CTU2: variants seen among roughly 807,000 people sequenced by gnomAD.
CTU2 encodes cytoplasmic tRNA 2-thiolation protein 2.
Under a neutral mutation model 64.1 loss-of-function variants are expected in CTU2, and 80 were observed. The ratio of observed to expected loss-of-function variants is 1.25; its 90% CI spans 1.04 to 1.50. CTU2 has a LOEUF of 1.50. Among genes scored for constraint, CTU2 ranks in the 40% most tolerant of loss-of-function variants. CTU2 has a pLI of 0.00. For synonymous variants in CTU2, 482 were observed against 285.3 expected (o/e 1.69, Z -6.95); for missense variants, 1,110 against 690.2 (o/e 1.61, Z -6.81).
At position 88,710,191 on chromosome 16, in the gene CTU2, C is replaced by T. The variant is rs753007504; in HGVS notation, c.223-32C>T. 5.8e-5 allele frequency: 94 copies of T among 1,612,600 alleles called. No homozygotes were observed. The South Asian group carries it at 8.2e-4, about 14-fold the overall frequency. ...GGGGTGTCTGCCTGTGTTGGAGGTGCGGTGCCCTGAGTGATGTTTTTTCTC... is the reference window on the plus strand; with the variant it reads ...GGGGTGTCTGCCTGTGTTGGAGGTGTGGTGCCCTGAGTGATGTTTTTTCTC... On this transcript the variant is annotated intron_variant, in intron 3 of 14. Transcript: ENST00000453996.
rs771320741 is a variant in CTU2 at position 88,712,246 on chromosome 16, CCTGA to C, written c.344-25_344-22del. The stretch of plus-strand genomic sequence containing the variant: ...TGCCCTGCCTGGCTCCTCTCTGAGC[CCTGA>C]CTCTTTCTGCCTGGGTTTTTCAGAG... On this transcript the variant is annotated intron_variant, in intron 5 of 14. Coordinates refer to ENST00000453996, the MANE Select transcript of CTU2 (RefSeq NM_001012759.3). 8 of 1,563,886 alleles carry C rather than the reference CCTGA, an allele frequency of 5.1e-6. No individual in the cohort carries two copies. In the African/African-American group the frequency reaches 9.5e-5, roughly 19 times the overall value.
intron 8 of CTU2, 94 bp from the exon 9 acceptor site, chr16:88,713,553 G>C: frequency 1.3e-6 from 2 of 1,558,354 alleles, no homozygotes; most frequent in Non-Finnish European, 1.7e-6. Flanking sequence ...GCCTCGGATG[G>C]TGGTGGGGTC....
rs770080195 is a variant in CTU2 at position 88,707,099 on chromosome 16, CTG to C, written c.69-33_69-32del. 4.4e-6 allele frequency: 7 copies of C among 1,601,702 alleles called. No individual in the cohort carries two copies. In the African/African-American group the frequency reaches 8.0e-5, roughly 18 times the overall value. On this transcript the variant is annotated intron_variant, in intron 1 of 14. Transcript: ENST00000453996. ...CCACTAGGCGTGGGGAAGATGTGAT[CTG>C]TGTTTCTCTCTTCTCCCCCCTCCCA...
rs1910852374 is a variant in CTU2, at chr16:88,706,595, C to T, written c.65C>T (p.Pro22Leu). The T allele has an allele frequency of 2.8e-6, 4 of 1,446,830 alleles. No homozygotes were observed. The highest frequency in any genetic ancestry group is 1.5e-5 in the African/African-American group (1 of 67,132). 89.6% of individuals were successfully genotyped at this position (1,446,830 alleles called of 1,614,324 possible). Reference sequence around the variant, plus strand: ...GAGGAGCCGCCCCCGGCGCCGCGGCCCAGGTAAGAGCTGGCGGCCGGACCC... The same window carrying T: ...GAGGAGCCGCCCCCGGCGCCGCGGCTCAGGTAAGAGCTGGCGGCCGGACCC... ...APEEPPPAPR[P>L]SREQKCVKCK... The change falls in exon 1 of 15, where the codon CCC becomes CTC. Residue 22 changes from proline to leucine, a missense_variant. Physicochemically the swap from Pro to Leu is moderately conservative, Grantham distance 98. Coordinates refer to ENST00000453996, the MANE Select transcript of CTU2 (RefSeq NM_001012759.3).
In CTU2 at chr16:88,713,414, G is replaced by T. The variant is rs373374683; in HGVS notation, c.840G>T (p.Ala280=). Residue 280 remains alanine, a synonymous_variant, in exon 8 of 15, where the codon GCG becomes GCT. Transcript: ENST00000453996. ...RLAIKLMTNL[A]LGRGAFLAWD... ...CTATCAAGCTCATGACCAACCTGGC[G>T]CTGGGTCGAGGGGCCTTCCTGGCCT... 28 of 1,599,638 alleles carry T rather than the reference G, an allele frequency of 1.8e-5. 1 individual carries two copies. In the South Asian group the frequency reaches 2.7e-4, roughly 15 times the overall value.
At position 88,713,754 on chromosome 16, in the gene CTU2, C is replaced by G. The variant is rs1911587209; in HGVS notation, c.981C>G (p.Val327=). The G allele has an allele frequency of 5.0e-6, 8 of 1,612,716 alleles. No homozygotes were observed. Among genetic ancestry groups the G allele is most frequent in the East Asian group, 4.5e-5 (2 of 44,876 alleles). Reference sequence around the variant, plus strand: ...ACCGCCTGTTCTCCGTTCCTTCTGTCTTCACACCAGCCGTCGACACCAAGG... The same window carrying G: ...ACCGCCTGTTCTCCGTTCCTTCTGTGTTCACACCAGCCGTCGACACCAAGG... ...FYNRLFSVPS[V]FTPAVDTKAP... is the part of the protein sequence containing the mutation. Residue 327 remains valine (V), a synonymous_variant, in exon 9 of 15, where the codon GTC becomes GTG. Transcript: ENST00000453996.
chr16:88,714,850 G>A lies in CTU2; in HGVS notation c.1353-10G>A, dbSNP rs532054912. ...CCAAGGTGGGCACACAGCCAGCTCT[G>A]CTCCCGCAGGGAGGACCCCCAAGCC... is the stretch of plus-strand genomic sequence containing the variant. On this transcript the variant is annotated splice_polypyrimidine_tract_variant and intron_variant, in intron 12 of 14. Coordinates refer to ENST00000453996, the MANE Select transcript of CTU2 (RefSeq NM_001012759.3). The A allele has an allele frequency of 6.2e-7, 1 of 1,612,536 alleles. No individual in the cohort carries two copies. The highest frequency in any genetic ancestry group is 2.2e-5 in the East Asian group (1 of 44,876).
At position 88,709,965 on chromosome 16, in the gene CTU2, C is replaced by G; in HGVS notation, c.171C>G (p.His57Gln). Residue 57 changes from histidine (H) to glutamine (Q), a missense_variant, in exon 3 of 15, where the codon CAC becomes CAG. Coordinates refer to ENST00000453996, the MANE Select transcript of CTU2 (RefSeq NM_001012759.3). Reference protein sequence around the residue: ...CRDCFKAFYVHKFRAMLGKNR... With the variant: ...CRDCFKAFYVQKFRAMLGKNR... The stretch of plus-strand genomic sequence containing the variant: ...ACTGTTTCAAGGCCTTCTACGTCCA[C>G]AAGTTCAGAGCCATGCTGGGCAAGA... 6.2e-7 allele frequency: 1 copy of G among 1,614,012 alleles called. No individual in the cohort carries two copies. Among genetic ancestry groups the G allele is most frequent in the Non-Finnish European group, 8.5e-7 (1 of 1,180,012 alleles).
At chr16:88,713,935 G>T (rs1036020550) in intron 9 of CTU2, among the ~76,000 whole-genome samples, 157 bp downstream of exon 9, 5 of 152,354 alleles carry the variant, frequency 3.3e-5, no homozygotes, top group African/African-American at 9.6e-5. Flanking sequence ...ACCCTGTGCC[G>T]TGAGGGTGTG....
Position 88,713,779 on chromosome 16 carries a change from G to C in CTU2, c.1005+1G>C. The C allele has an allele frequency of 6.2e-7, 1 of 1,612,426 alleles. No individual in the cohort carries two copies. On this transcript the variant is annotated splice_donor_variant, in intron 9 of 14. Coordinates refer to ENST00000453996, the MANE Select transcript of CTU2 (RefSeq NM_001012759.3). LOFTEE classifies it high-confidence loss of function. The stretch of plus-strand genomic sequence containing the variant: ...CTTCACACCAGCCGTCGACACCAAG[G>C]TGGGCCTTGTGGGCTGGGCAACCTC...
chr16:88,709,783 C>T (rs556942885), intron 2 of CTU2, 155 bp from the exon 3 acceptor site: 10 of 702,842 alleles, frequency 1.4e-5, no homozygotes, highest in East Asian at 7.5e-5. Flanking sequence ...GGGCCAACCC[C>T]GCCCCTTTCA....
rs1039982227 is a variant in CTU2 at position 88,714,238 on chromosome 16, G to A, written c.1097+11G>A. 1.4e-5 allele frequency: 23 copies of A among 1,598,634 alleles called. No homozygotes were observed. Among genetic ancestry groups the A allele is most frequent in the African/African-American group, 3.0e-5 (2 of 67,126 alleles). ...CAGCACTGTGTACAGGTGTGGGTGTGTGTGGGTGTGTGCGGGGGGTGCGCG... is the reference window on the plus strand; with the variant it reads ...CAGCACTGTGTACAGGTGTGGGTGTATGTGGGTGTGTGCGGGGGGTGCGCG... On this transcript the variant is annotated intron_variant, in intron 10 of 14. Transcript: ENST00000453996.
intron 2 of CTU2, chr16:88,709,730 G>GC: frequency 1.7e-6 from 1 of 585,406 alleles, no homozygotes; most frequent in Non-Finnish European, 3.1e-6. Context: ...CGTGGGAGGG[G>GC]CCGGTGAGCC....
rs775933646 is a variant in CTU2, at chr16:88,712,894, G to C, written c.726G>C (p.Leu242=). 1 of 1,523,038 alleles carries C rather than the reference G, an allele frequency of 6.6e-7. No homozygotes were observed. Among genetic ancestry groups the C allele is most frequent in the Non-Finnish European group, 8.8e-7 (1 of 1,137,690 alleles). The allele number at this position is 1,523,038 out of a possible 1,614,324, so 94.3% of individuals were successfully genotyped here. ...VRTLTAKEEL[L]QTLRTHLILH... ...CACTGACTGCCAAGGAGGAGCTTCTGCAGACCCTGCGGTGAGGCCCCGAGA... is the reference window on the plus strand; with the variant it reads ...CACTGACTGCCAAGGAGGAGCTTCTCCAGACCCTGCGGTGAGGCCCCGAGA... The change falls in exon 7 of 15, where the codon CTG becomes CTC. Residue 242 remains leucine (L), a synonymous_variant. Transcript: ENST00000453996.
chr16:88,710,356 C>G, intron 4 of CTU2, 74 bp downstream of exon 4: 1 of 1,502,802 alleles, frequency 6.7e-7, no homozygotes, highest in Non-Finnish European at 9.2e-7. Context: ...TCTCAGCCTG[C>G]TGAGGGGCTC....
chr16:88,714,868 C>A lies in CTU2; in HGVS notation c.1361C>A (p.Pro454His), dbSNP rs1911792632. Residue 454 changes from proline to histidine, a missense_variant, in exon 13 of 15, where the codon CCC becomes CAC. By Grantham distance (77) the Pro-to-His change is moderately conservative (BLOSUM62 -2). Transcript: ENST00000453996. ...CGQGACRREDPQACIEEQLCY... is the reference protein window; with the variant it reads ...CGQGACRREDHQACIEEQLCY... ...CAGCTCTGCTCCCGCAGGGAGGACCCCCAAGCCTGCATTGAGGAGCAGCTG... is the reference window on the plus strand; with the variant it reads ...CAGCTCTGCTCCCGCAGGGAGGACCACCAAGCCTGCATTGAGGAGCAGCTG... The A allele has an allele frequency of 6.2e-7, 1 of 1,612,532 alleles. No individual in the cohort carries two copies. Among genetic ancestry groups the A allele is most frequent in the Admixed American group, 1.7e-5 (1 of 59,994 alleles).
intron 1 of CTU2, chr16:88,706,933 GC>G: frequency 1.7e-6 from 1 of 587,264 alleles, no homozygotes; most frequent in South Asian, 2.2e-5. Context: ...CCCTGAGCCG[GC>G]TTTTCTAGGC....
At chr16:88,714,299 G>C in intron 10 of CTU2, 72 bp downstream of exon 10, 2 of 1,594,940 alleles carry the variant, frequency 1.3e-6, no homozygotes, top group Non-Finnish European at 1.7e-6. Context: ...CGGGTGGTGA[G>C]CTCACCACTC....
chr16:88,712,880 A>G lies in CTU2; in HGVS notation c.712A>G (p.Lys238Glu), dbSNP rs1911459972. Residue 238 changes from lysine to glutamate, a missense_variant, in exon 7 of 15, where the codon AAG (lysine) becomes GAG (glutamate). Coordinates refer to ENST00000453996, the MANE Select transcript of CTU2 (RefSeq NM_001012759.3). ...CTGCTCAGTGAGGACACTGACTGCC[A>G]AGGAGGAGCTTCTGCAGACCCTGCG... ...LFCSVRTLTA[K>E]EELLQTLRTH... 6.5e-7 allele frequency: 1 copy of G among 1,528,384 alleles called. No individual in the cohort carries two copies. The highest frequency in any genetic ancestry group is 1.4e-5 in the African/African-American group (1 of 70,612). 94.7% of individuals were successfully genotyped at this position (1,528,384 alleles called of 1,614,324 possible).
Sources: gnomAD v4.1 joint callset for allele counts (sites outside exome capture counted in the v4.1 genomes callset) on GRCh38, gnomAD v4.1.1 for gene constraint, MANE v1.5 for transcripts, NCBI Gene and HGNC (gene_info 2026-07-23, HGNC 2026-07-21) for gene names.